TBX15: variants seen among roughly 807,000 people sequenced by gnomAD.
TBX15 encodes the protein T-box transcription factor 15, also known as T-box transcription factor TBX15.
Under a neutral mutation model 53.9 loss-of-function variants are expected in TBX15, and 18 were observed. The ratio of observed to expected loss-of-function variants is 0.33; its 90% CI spans 0.23 to 0.49. The LOEUF is 0.49. TBX15 is among the 20% of genes least tolerant of loss of function. The pLI is 0.98. For missense variants in TBX15, 692 were observed against 749.5 expected (o/e 0.92, Z 0.90); for synonymous variants, 295 against 278.0 (o/e 1.06, Z -0.61).
intron 5 of TBX15, among the ~76,000 whole-genome samples, chr1:118,916,413 T>G (rs1655219855): frequency 6.6e-6 from 1 of 152,104 alleles, no homozygotes; most frequent in East Asian, 1.9e-4. Context: ...AGAAAGGCAC[T>G]ATGTAACACA....
Position 118,972,978 on chromosome 1 carries a change from C to T in TBX15, c.205+14613G>A, listed in dbSNP as rs188912451. On this transcript the variant is annotated intron_variant, in intron 1 of 7. Coordinates refer to ENST00000369429, the MANE Select transcript of TBX15 (RefSeq NM_001330677.2). ...AAAGTATAATTATGAGCAAGGTAGA[C>T]AGATGATAATATTGAGCACTCCCTA... Among the ~76,000 whole-genome samples the T allele has an allele frequency of 4.1e-3, 618 of 152,274 alleles. 4 individuals carry two copies. The highest frequency in any genetic ancestry group is 0.014 in the African/African-American group (589 of 41,548).
Position 118,885,433 on chromosome 1 carries a change from A to T in TBX15, c.1108T>A (p.Cys370Ser), listed in dbSNP as rs773754075. 1 of 1,612,952 alleles carries T rather than the reference A, an allele frequency of 6.2e-7. No individual in the cohort carries two copies. Among genetic ancestry groups the T allele is most frequent in the Admixed American group, 1.7e-5 (1 of 59,910 alleles). Residue 370 changes from cysteine (C) to serine (S), a missense_variant, in exon 8 of 8, where the codon TGT becomes AGT. By Grantham distance (112) the Cys-to-Ser change is moderately radical (BLOSUM62 -1). This residue lies in a region of TBX15 where 375 missense variants were observed against 371.6 expected (regional missense o/e 1.01). Coordinates refer to ENST00000369429, the MANE Select transcript of TBX15 (RefSeq NM_001330677.2). ...SASSHLLSPS[C>S]SPPTFHLAPN... The stretch of plus-strand genomic sequence containing the variant: ...GCCAGATGAAAAGTTGGAGGAGAAC[A>T]GGATGGAGATAAAAGATGAGAAGAA...
intron 1 of TBX15, among the ~76,000 whole-genome samples, chr1:118,947,451 A>G (rs972618295): frequency 1.3e-5 from 2 of 152,184 alleles, no homozygotes; most frequent in Admixed American, 1.3e-4. Flanking sequence ...ATCAGAAAGC[A>G]AGAGTGTGAG....
intron 7 of TBX15, among the ~76,000 whole-genome samples, chr1:118,898,053 A>G (rs1373656212): frequency 6.6e-6 from 1 of 152,222 alleles, no homozygotes; most frequent in African/African-American, 2.4e-5. Flanking sequence ...TAAATGCACT[A>G]TCTCATTTAA....
chr1:118,945,312 C>T (rs1055566935), intron 1 of TBX15, among the ~76,000 whole-genome samples: 1 of 152,052 alleles, frequency 6.6e-6, no homozygotes, highest in African/African-American at 2.4e-5. Context: ...TACAGTCCCC[C>T]CAAAATTGTA....
At position 118,884,919 on chromosome 1, in the gene TBX15, G is replaced by A. The variant is rs762979893; in HGVS notation, c.1622C>T (p.Thr541Ile). ...SPEKLSASQSTLLCSSPSNGA... is the reference protein window; with the variant it reads ...SPEKLSASQSILLCSSPSNGA... Reference sequence around the variant, plus strand: ...GTTGGAAGGAGAAGAACAGAGTAAAGTGCTTTGAGAGGCGCTCAGTTTTTC... The same window carrying A: ...GTTGGAAGGAGAAGAACAGAGTAAAATGCTTTGAGAGGCGCTCAGTTTTTC... The change falls in exon 8 of 8, where the codon ACT (threonine) becomes ATT (isoleucine). Residue 541 changes from threonine (T) to isoleucine (I), a missense_variant. By Grantham distance (89) the Thr-to-Ile change is moderately conservative (BLOSUM62 -1). Coordinates refer to ENST00000369429, the MANE Select transcript of TBX15 (RefSeq NM_001330677.2). 1.2e-6 allele frequency: 2 copies of A among 1,614,088 alleles called. No individual in the cohort carries two copies. The highest frequency in any genetic ancestry group is 1.7e-5 in the Admixed American group (1 of 60,004).
intron 6 of TBX15, among the ~76,000 whole-genome samples, chr1:118,904,672 A>C (rs1654752235): frequency 6.6e-6 from 1 of 152,194 alleles, no homozygotes; most frequent in Non-Finnish European, 1.5e-5. Flanking sequence ...ATGGCAGTCC[A>C]TAAAGAGTTT....
chr1:118,960,600 A>G (rs892751271), intron 1 of TBX15, among the ~76,000 whole-genome samples: 2 of 152,160 alleles, frequency 1.3e-5, no homozygotes, highest in Non-Finnish European at 2.9e-5. Flanking sequence ...CAATGAGAGG[A>G]ATGGCTGCAG....
chr1:118,949,114 G>A (rs1331933674), intron 1 of TBX15, among the ~76,000 whole-genome samples: 1 of 152,154 alleles, frequency 6.6e-6, no homozygotes, highest in Non-Finnish European at 1.5e-5. Context: ...AGCTCATAGG[G>A]AAGAGTACCA....
intron 3 of TBX15, among the ~76,000 whole-genome samples, chr1:118,925,297 T>C (rs1655557174): frequency 1.3e-5 from 2 of 152,240 alleles, no homozygotes; most frequent in South Asian, 4.1e-4. Flanking sequence ...TCCTATAAAA[T>C]GCAGCCATGT....
chr1:118,965,458 A>G lies in TBX15; in HGVS notation c.205+22133T>C, dbSNP rs147201463. Among the ~76,000 whole-genome samples, 53 of 152,280 alleles carry G rather than the reference A, an allele frequency of 3.5e-4. 1 individual carries two copies. The East Asian group carries it at 9.6e-3, about 28-fold the overall frequency. On this transcript the variant is annotated intron_variant, in intron 1 of 7. Coordinates refer to ENST00000369429, the MANE Select transcript of TBX15 (RefSeq NM_001330677.2). Reference sequence around the variant, plus strand: ...ATATTGTTGGCAAATGGATAGGAAAATGGGCTGTCATACACTGTGGGTGGA... The same window carrying G: ...ATATTGTTGGCAAATGGATAGGAAAGTGGGCTGTCATACACTGTGGGTGGA...
In TBX15 at chr1:118,893,616, AG is replaced by A. The variant is rs1178787999; in HGVS notation, c.1024+5411del. Among the ~76,000 whole-genome samples the A allele has an allele frequency of 3.1e-4, 33 of 107,058 alleles. 3 individuals carry two copies. Among genetic ancestry groups the A allele is most frequent in the African/African-American group, 1.3e-3 (31 of 24,456 alleles). The allele number at this position is 107,058 out of a possible 152,430, so 70.2% of individuals were successfully genotyped here. ...GAAGGAAGGAAAGAAAGAAAGAAAGAGAGAGAGAAAGAAAAAGAAAGAAAGA... is the reference window on the plus strand; with the variant it reads ...GAAGGAAGGAAAGAAAGAAAGAAAGAAGAGAGAAAGAAAAAGAAAGAAAGA... On this transcript the variant is annotated intron_variant, in intron 7 of 7. Coordinates refer to ENST00000369429, the MANE Select transcript of TBX15 (RefSeq NM_001330677.2).
At chr1:118,888,264 A>C (rs193004402) in intron 7 of TBX15, among the ~76,000 whole-genome samples, 3 of 152,312 alleles carry the variant, frequency 2.0e-5, no homozygotes, top group East Asian at 1.9e-4. Context: ...TTAGCTGTGA[A>C]ATCAGGGGCT....
intron 6 of TBX15, among the ~76,000 whole-genome samples, chr1:118,902,457 T>C (rs145477249): frequency 5.5e-4 from 83 of 152,282 alleles, no homozygotes; most frequent in African/African-American, 1.9e-3. Context: ...ATGATATGCA[T>C]TGAATTAATA....
intron 1 of TBX15, among the ~76,000 whole-genome samples, chr1:118,932,284 C>A (rs1557889526): frequency 1.3e-5 from 2 of 152,176 alleles, no homozygotes; most frequent in African/African-American, 4.8e-5. Flanking sequence ...TTCTTCAATT[C>A]CATACCACTC....
At chr1:118,897,708 TC>T (rs1425837021) in intron 7 of TBX15, among the ~76,000 whole-genome samples, 1 of 152,140 alleles carries the variant, frequency 6.6e-6, no homozygotes, top group Non-Finnish European at 1.5e-5. Context: ...TTCCTGAGTC[TC>T]TTTAAGCCCC....
Position 118,885,057 on chromosome 1 carries a change from A to G in TBX15, c.1484T>C (p.Met495Thr). 1 of 1,614,132 alleles carries G rather than the reference A, an allele frequency of 6.2e-7. No homozygotes were observed. The highest frequency in any genetic ancestry group is 8.5e-7 in the Non-Finnish European group (1 of 1,180,028). The change falls in exon 8 of 8, where the codon ATG (methionine) becomes ACG (threonine). Residue 495 changes from methionine (M) to threonine (T), a missense_variant. By Grantham distance (81) the Met-to-Thr change is moderately conservative (BLOSUM62 -1). Coordinates refer to ENST00000369429, the MANE Select transcript of TBX15 (RefSeq NM_001330677.2). ...CTGCTGCATGTGGCTGCCCCCGAAC[A>G]TGTGTGGTGATGAGGAGCTGGAGGC... ...NAASSSSSPH[M>T]FGGSHMQQSS...
At chr1:118,974,707 T>C (rs571016060) in intron 1 of TBX15, among the ~76,000 whole-genome samples, 3 of 152,260 alleles carry the variant, frequency 2.0e-5, no homozygotes, top group African/African-American at 7.2e-5. Context: ...ACTGCTACCA[T>C]ACCAAACAAG....
intron 5 of TBX15, among the ~76,000 whole-genome samples, chr1:118,922,381 G>A (rs1779434): frequency 0.026 from 4,012 of 152,188 alleles, 66 homozygotes; most frequent in South Asian, 0.061. Context: ...TCTATGCCCC[G>A]CTTTTCATGC....
Sources: gnomAD v4.1 joint callset for allele counts (sites outside exome capture counted in the v4.1 genomes callset) on GRCh38, gnomAD v4.1.1 for gene constraint, gnomAD v4.1.1 regional missense constraint, MANE v1.5 for transcripts, NCBI Gene and HGNC (gene_info 2026-07-23, HGNC 2026-07-21) for gene names.